FANCI: variants seen among roughly 807,000 people sequenced by gnomAD.
FANCI encodes Fanconi anemia group I protein.
Under a neutral mutation model 176.1 loss-of-function variants are expected in FANCI, and 156 were observed. That is an observed-to-expected ratio of 0.89 (90% CI 0.78 to 1.01). The LOEUF is 1.01. Among genes scored for constraint, FANCI ranks in the 50% least tolerant of loss-of-function variants. The pLI is 0.00. For missense variants in FANCI, 1,678 were observed against 1,534.1 expected (o/e 1.09, Z -1.57); for synonymous variants, 613 against 541.7 (o/e 1.13, Z -1.83).
At chr15:89,313,117 T>C (rs1235388062) in intron 35 of FANCI, 145 bp downstream of exon 35, 3 of 808,772 alleles carry the variant, frequency 3.7e-6, no homozygotes, top group African/African-American at 3.4e-5. Context: ...AAAGGCAAAC[T>C]AGATTAGTGG....
At position 89,254,296 on chromosome 15, in the gene FANCI, A is replaced by G. The variant is rs1414308941; in HGVS notation, c.85-4408A>G. ...TCATAACCATTCCTCACTCAAGGGA[A>G]CCAGGGCTCTTCAGAGAAACGGATA... is the stretch of plus-strand genomic sequence containing the variant. On this transcript the variant is annotated intron_variant, in intron 2 of 37. Coordinates refer to ENST00000310775, the MANE Select transcript of FANCI (RefSeq NM_001113378.2). 2.6e-5 allele frequency among the ~76,000 whole-genome samples: 4 copies of G among 152,208 alleles called. No homozygotes were observed. The East Asian group carries it at 5.8e-4, about 22-fold the overall frequency.
Position 89,293,875 on chromosome 15 carries a change from C to A in FANCI, c.2334C>A (p.Tyr778Ter). The A allele has an allele frequency of 6.2e-7, 1 of 1,614,026 alleles. No individual in the cohort carries two copies. The highest frequency in any genetic ancestry group is 8.5e-7 in the Non-Finnish European group (1 of 1,179,970). ...FEDILSLFMC[Y>*]KKLSDILNEK... is the part of the protein sequence containing the mutation. ...ACATTCTGAGCTTATTTATGTGTTACAAAAAACTCTCTGACATTCTTAATG... is the reference window on the plus strand; with the variant it reads ...ACATTCTGAGCTTATTTATGTGTTAAAAAAAACTCTCTGACATTCTTAATG... Residue 778 changes from tyrosine to a stop codon, truncating the protein, a stop_gained, in exon 23 of 38, where the codon TAC (tyrosine) becomes TAA (stop). Transcript: ENST00000310775. LOFTEE classifies it high-confidence loss of function.
chr15:89,279,712 G>A (rs16942934), intron 14 of FANCI, among the ~76,000 whole-genome samples: 7,595 of 152,052 alleles, frequency 0.05, 606 homozygotes, highest in African/African-American at 0.17. Flanking sequence ...TTTGAAGCAT[G>A]GTTCTCCAGG....
At chr15:89,250,600 C>T (rs573685827) in intron 2 of FANCI, among the ~76,000 whole-genome samples, 9 of 151,310 alleles carry the variant, frequency 5.9e-5, no homozygotes, top group Non-Finnish European at 1.2e-4. Flanking sequence ...ATGTAAATGA[C>T]GAGTTAATGG....
intron 2 of FANCI, among the ~76,000 whole-genome samples, chr15:89,250,885 A>G (rs1032629249): frequency 1.3e-5 from 2 of 151,772 alleles, no homozygotes; most frequent in Non-Finnish European, 2.9e-5. Flanking sequence ...TACAAATGAA[A>G]TAATGAAAAT....
chr15:89,292,649 A>C, intron 20 of FANCI, 39 bp from the exon 21 acceptor site: 1 of 1,594,618 alleles, frequency 6.3e-7, no homozygotes, highest in Non-Finnish European at 8.6e-7. Context: ...TTATCCATCA[A>C]CACTCAAGAG....
chr15:89,305,266 A>G, intron 29 of FANCI, 24 bp downstream of exon 29: 1 of 1,614,210 alleles, frequency 6.2e-7, no homozygotes, highest in Non-Finnish European at 8.5e-7. Context: ...CCTTCAGTAC[A>G]ATACCCTGTG....
chr15:89,251,048 G>A (rs1446838428), intron 2 of FANCI, among the ~76,000 whole-genome samples: 1 of 151,480 alleles, frequency 6.6e-6, no homozygotes, highest in East Asian at 1.9e-4. Flanking sequence ...TCTTTGTGGG[G>A]GAAAAAAACA....
rs1199204280 is a variant in FANCI at position 89,276,855 on chromosome 15, T to G, written c.1257T>G (p.Cys419Trp). Residue 419 changes from cysteine to tryptophan, a missense_variant, in exon 13 of 38, where the codon TGT becomes TGG. Transcript: ENST00000310775. The part of the protein sequence containing the change: ...SLSRMPNQHA[C>W]KLGANILLET... ...CTAGAATGCCAAACCAGCATGCATG[T>G]AAGCTCGGAGCTAATATCCTGTTGG... 2 of 1,614,072 alleles carry G rather than the reference T, an allele frequency of 1.2e-6. No homozygotes were observed. Among genetic ancestry groups the G allele is most frequent in the Non-Finnish European group, 8.5e-7 (1 of 1,180,030 alleles).
At position 89,281,215 on chromosome 15, in the gene FANCI, G is replaced by A; in HGVS notation, c.1427G>A (p.Ser476Asn). ...ATGTATGCACCCTTAGTTCTTCAAA[G>A]TTGTTCTTCTAAAGTCACAGAAGCT... ...IVMYAPLVLQSCSSKVTEAFD... is the reference protein window; with the variant it reads ...IVMYAPLVLQNCSSKVTEAFD... Residue 476 changes from serine to asparagine, a missense_variant, in exon 15 of 38, where the codon AGT becomes AAT. By Grantham distance (46) the Ser-to-Asn change is conservative. Coordinates refer to ENST00000310775, the MANE Select transcript of FANCI (RefSeq NM_001113378.2). 1 of 1,613,806 alleles carries A rather than the reference G, an allele frequency of 6.2e-7. No individual in the cohort carries two copies. The highest frequency in any genetic ancestry group is 8.5e-7 in the Non-Finnish European group (1 of 1,179,836).
At position 89,292,932 on chromosome 15, in the gene FANCI, T is replaced by C; in HGVS notation, c.2170-10T>C. On this transcript the variant is annotated splice_polypyrimidine_tract_variant and intron_variant, in intron 21 of 37. Coordinates refer to ENST00000310775, the MANE Select transcript of FANCI (RefSeq NM_001113378.2). ...TAGTAGCTTGTTAATTTTTATCTTG[T>C]GTCTTTTAGGATAAATCAGCAGATT... 1 of 1,614,114 alleles carries C rather than the reference T, an allele frequency of 6.2e-7. No individual in the cohort carries two copies. The highest frequency in any genetic ancestry group is 8.5e-7 in the Non-Finnish European group (1 of 1,180,006).
At chr15:89,258,587 A>C (rs2052592557) in intron 2 of FANCI, 117 bp from the exon 3 acceptor site, 1 of 803,506 alleles carries the variant, frequency 1.2e-6, no homozygotes, top group Admixed American at 1.7e-5. Context: ...TGTTTGTAAT[A>C]CTTGGCGTCT....
chr15:89,269,463 T>G (rs185131237), intron 10 of FANCI, among the ~76,000 whole-genome samples: 279 of 152,314 alleles, frequency 1.8e-3, no homozygotes, highest in African/African-American at 6.4e-3. Flanking sequence ...TTGGTTGTTC[T>G]TTCTTTCTAG....
rs758418421 is a variant in FANCI at position 89,261,861 on chromosome 15, C to T, written c.486C>T (p.Asn162=). Reference sequence around the variant, plus strand: ...AAGAATGTAAGAAACAGTTGATTAACACCCTGTGTTCTGGCAGGTGAGTCT... The same window carrying T: ...AAGAATGTAAGAAACAGTTGATTAATACCCTGTGTTCTGGCAGGTGAGTCT... ...SGEECKKQLI[N]TLCSGRWDQQ... is the part of the protein sequence containing the mutation. The change falls in exon 6 of 38, where the codon AAC becomes AAT. Residue 162 remains asparagine (N), a synonymous_variant. Coordinates refer to ENST00000310775, the MANE Select transcript of FANCI (RefSeq NM_001113378.2). 1.1e-5 allele frequency: 18 copies of T among 1,613,922 alleles called. No homozygotes were observed.
chr15:89,301,540 G>A (rs1362294695), intron 27 of FANCI, 98 bp downstream of exon 27: 1 of 880,964 alleles, frequency 1.1e-6, no homozygotes, highest in Non-Finnish European at 2.0e-6. Context: ...TTGAAATTGA[G>A]CTTATTTTAC....
chr15:89,289,318 G>A (rs111644467), intron 18 of FANCI, among the ~76,000 whole-genome samples: 3,356 of 151,222 alleles, frequency 0.022, 124 homozygotes, highest in African/African-American at 0.078. Context: ...TTTCCTTTCC[G>A]ATGGAGTCTC....
intron 18 of FANCI, among the ~76,000 whole-genome samples, chr15:89,285,524 G>C (rs1284867335): frequency 6.6e-6 from 1 of 152,194 alleles, no homozygotes; most frequent in Non-Finnish European, 1.5e-5. Context: ...CTACTCAGGA[G>C]GCTGAGGCAG....
chr15:89,245,334 ATTTTTTTTTTTTTTTTTTTTTTTTT>A (rs869076373), intron 1 of FANCI: 3 of 36,148 alleles, frequency 8.3e-5, no homozygotes, highest in Non-Finnish European at 1.1e-4. Context: ...ACGCCCAGCT[ATTTTTTTTTTTTTTTTTTTTTTTTT>A]TTTTTTTTTT....
At position 89,292,682 on chromosome 15, in the gene FANCI, C is replaced by T. The variant is rs1419780732; in HGVS notation, c.1993-6C>T. On this transcript the variant is annotated splice_region_variant and splice_polypyrimidine_tract_variant and intron_variant, in intron 20 of 37. Transcript: ENST00000310775. ...GAGTATTTAATTTACTTATTTTCTC[C>T]TACAGGATTATCTGCTGTGTTGTAT... The T allele has an allele frequency of 3.7e-6, 6 of 1,612,650 alleles. No homozygotes were observed. In the Admixed American group the frequency reaches 5.0e-5, roughly 13 times the overall value.
Sources: allele counts gnomAD v4.1 joint callset (sites outside exome capture counted in the v4.1 genomes callset), GRCh38; gene constraint gnomAD v4.1.1; transcripts MANE v1.5; gene names NCBI Gene and HGNC (gene_info 2026-07-23, HGNC 2026-07-21).